The following ZNF608 variants were observed in gnomAD, a reference collection of about 807,000 sequenced individuals.
The protein encoded by ZNF608 is zinc finger protein 608.
Under a neutral mutation model 109.0 loss-of-function variants are expected in ZNF608, and 12 were observed. The observed-to-expected ratio is 0.11, with a 90% CI of 0.07 to 0.18. ZNF608 has a LOEUF of 0.18. ZNF608 is among the 10% of genes least tolerant of loss of function. The pLI is 1.00. For synonymous variants in ZNF608, 732 were observed against 717.4 expected (o/e 1.02, Z -0.33); for missense variants, 1,707 against 1,879.3 (o/e 0.91, Z 1.70).
At position 124,643,631 on chromosome 5, in the gene ZNF608, C is replaced by A. The variant is rs775656486; in HGVS notation, c.4176G>T (p.Gly1392=). ...FHYPVYGKMS[G]REETEKVNTS... The stretch of plus-strand genomic sequence containing the variant: ...TATTGACTTTCTCTGTCTCTTCTCT[C>A]CCTGACATCTTCCCATAAACAGGAT... The change falls in exon 7 of 10, where the codon GGG becomes GGT. Residue 1392 remains glycine, a synonymous_variant. Coordinates refer to ENST00000513986, the MANE Select transcript of ZNF608 (RefSeq NM_020747.3). 20 of 1,614,048 alleles carry A rather than the reference C, an allele frequency of 1.2e-5. No homozygotes were observed. Among genetic ancestry groups the A allele is most frequent in the Middle Eastern group, 3.3e-4 (2 of 6,084 alleles).
chr5:124,648,450 C>T lies in ZNF608; in HGVS notation c.1934G>A (p.Ser645Asn), dbSNP rs1260309162. The T allele has an allele frequency of 2.5e-6, 4 of 1,614,088 alleles. No individual in the cohort carries two copies. Among genetic ancestry groups the T allele is most frequent in the Non-Finnish European group, 2.5e-6 (3 of 1,180,048 alleles). ...ACCAATAATGGAACCTGGGCCATTGCTCATCAGCTCTCTCTTTCCCTTTGG... is the reference window on the plus strand; with the variant it reads ...ACCAATAATGGAACCTGGGCCATTGTTCATCAGCTCTCTCTTTCCCTTTGG... ...GTPKGKRELM[S>N]NGPGSIIGAK... Residue 645 changes from serine to asparagine, a missense_variant, in exon 5 of 10, where the codon AGC (serine) becomes AAC (asparagine). By Grantham distance (46) the Ser-to-Asn change is conservative. Around this residue, in one of 7 missense-constraint regions of ZNF608, gnomAD observed 1,073 missense variants for 1,133.5 expected, o/e 0.95. Coordinates refer to ENST00000513986, the MANE Select transcript of ZNF608 (RefSeq NM_020747.3).
chr5:124,660,092 C>T (rs1751185398), intron 3 of ZNF608, among the ~76,000 whole-genome samples: 1 of 152,206 alleles, frequency 6.6e-6, no homozygotes, highest in Non-Finnish European at 1.5e-5. Context: ...AATGATCACT[C>T]TGCTATTATT....
intron 3 of ZNF608, among the ~76,000 whole-genome samples, chr5:124,689,174 G>C (rs1049644703): frequency 1.3e-5 from 2 of 152,156 alleles, no homozygotes; most frequent in Non-Finnish European, 2.9e-5. Context: ...AAGATGGGAG[G>C]ATCACTTGAG....
intron 3 of ZNF608, among the ~76,000 whole-genome samples, chr5:124,681,988 A>G (rs1447254740): frequency 6.6e-6 from 1 of 152,246 alleles, no homozygotes; most frequent in Non-Finnish European, 1.5e-5. Flanking sequence ...TCAATCAAGC[A>G]TGAGGGTAGA....
chr5:124,656,681 T>C (rs1030534487), intron 3 of ZNF608, among the ~76,000 whole-genome samples: 3 of 152,120 alleles, frequency 2.0e-5, no homozygotes, highest in African/African-American at 7.2e-5. Context: ...CTTTCTTACT[T>C]GACTGTACTT....
At chr5:124,692,545 T>A (rs960199418) in intron 3 of ZNF608, among the ~76,000 whole-genome samples, 1 of 152,248 alleles carries the variant, frequency 6.6e-6, no homozygotes, top group African/African-American at 2.4e-5. Context: ...GAAATTCCTA[T>A]CATTCCATGT....
At chr5:124,656,225 G>C in intron 3 of ZNF608, among the ~76,000 whole-genome samples, 1 of 152,128 alleles carries the variant, frequency 6.6e-6, no homozygotes, top group East Asian at 1.9e-4. Flanking sequence ...GAAGTGTAAT[G>C]AAACACTTTA....
chr5:124,709,788 G>A (rs936075424), intron 2 of ZNF608, among the ~76,000 whole-genome samples: 6 of 152,248 alleles, frequency 3.9e-5, no homozygotes, highest in African/African-American at 1.4e-4. Context: ...CATTTCCAAA[G>A]ACACTTAAAG....
chr5:124,714,638 T>A (rs2149871229), intron 2 of ZNF608, among the ~76,000 whole-genome samples: 1 of 152,358 alleles, frequency 6.6e-6, no homozygotes, highest in Non-Finnish European at 1.5e-5. Context: ...TTTAATGTAA[T>A]AGACATATCA....
At chr5:124,649,924 G>A (rs1182799506) in intron 3 of ZNF608, among the ~76,000 whole-genome samples, 1 of 152,228 alleles carries the variant, frequency 6.6e-6, no homozygotes, top group Non-Finnish European at 1.5e-5. Flanking sequence ...GTGGTACAAA[G>A]GAGTGAGACT....
At chr5:124,710,525 C>G (rs372063880) in intron 2 of ZNF608, 3 of 243,986 alleles carry the variant, frequency 1.2e-5, no homozygotes, top group African/African-American at 6.8e-5. Context: ...CATCGTGGGT[C>G]GGCTACAGAA....
rs113357007 is a variant in ZNF608, at chr5:124,644,144, A to T, written c.4123+100T>A. Reference sequence around the variant, plus strand: ...AAACAGCATAAAAACAAGGAAAACAAATGTCACTCTTGAAGCTTCTAATTT... The same window carrying T: ...AAACAGCATAAAAACAAGGAAAACATATGTCACTCTTGAAGCTTCTAATTT... On this transcript the variant is annotated intron_variant, in intron 6 of 9. Coordinates refer to ENST00000513986, the MANE Select transcript of ZNF608 (RefSeq NM_020747.3). The T allele has an allele frequency of 1.4e-5, 16 of 1,112,216 alleles. No individual in the cohort carries two copies. In the East Asian group the frequency reaches 3.0e-4, roughly 21 times the overall value. The allele number at this position is 1,112,216 out of a possible 1,614,324, so 68.9% of individuals were successfully genotyped here.
At position 124,746,506 on chromosome 5, in the gene ZNF608, T is replaced by A; in HGVS notation, c.-495A>T. 1.0e-6 allele frequency: 1 copy of A among 985,204 alleles called. No homozygotes were observed. The highest frequency in any genetic ancestry group is 1.2e-6 in the Non-Finnish European group (1 of 829,878). The allele number at this position is 985,204 out of a possible 1,614,324, so 61.0% of individuals were successfully genotyped here. A position where few individuals can be genotyped will look rare whatever the true frequency, so the allele number is the denominator to read the frequency against. ...TCCTCTTAACAAGCATCGAGAATAATAGTTTTTTAAAAAACAGAGAGTTTA... is the reference window on the plus strand; with the variant it reads ...TCCTCTTAACAAGCATCGAGAATAAAAGTTTTTTAAAAAACAGAGAGTTTA... On this transcript the variant is annotated 5_prime_UTR_variant, in exon 1 of 10. Coordinates refer to ENST00000513986, the MANE Select transcript of ZNF608 (RefSeq NM_020747.3).
At chr5:124,646,222 A>G (rs182356815) in intron 5 of ZNF608, among the ~76,000 whole-genome samples, 58 of 152,220 alleles carry the variant, frequency 3.8e-4, no homozygotes, top group East Asian at 9.7e-4. Context: ...TTAGCCGGGC[A>G]TGGTGGCACG....
At chr5:124,682,484 C>T (rs1360881521) in intron 3 of ZNF608, among the ~76,000 whole-genome samples, 1 of 152,220 alleles carries the variant, frequency 6.6e-6, no homozygotes, top group Non-Finnish European at 1.5e-5. Context: ...GAGGCAATGG[C>T]ATCTTCAGAA....
intron 3 of ZNF608, among the ~76,000 whole-genome samples, chr5:124,671,125 G>T (rs987271749): frequency 6.6e-6 from 1 of 152,140 alleles, no homozygotes; most frequent in African/African-American, 2.4e-5. Context: ...GCAAAAACAT[G>T]AATACACATG....
At chr5:124,707,084 TGGGCAA>T (rs1024964443) in intron 2 of ZNF608, among the ~76,000 whole-genome samples, 19 of 152,160 alleles carry the variant, frequency 1.2e-4, no homozygotes, top group African/African-American at 4.6e-4. Context: ...TGAGTGCTGA[TGGGCAA>T]GGAAGGATCC....
In ZNF608 at chr5:124,691,872, T is replaced by C. The variant is rs78633369; in HGVS notation, c.1162+9142A>G. On this transcript the variant is annotated intron_variant, in intron 3 of 9. Coordinates refer to ENST00000513986, the MANE Select transcript of ZNF608 (RefSeq NM_020747.3). ...GTTTTAGTTGTTCAAGATAACTAAG[T>C]TCTAGAGATCTGCAGTACAACACGG... Among the ~76,000 whole-genome samples, 119 of 152,272 alleles carry C rather than the reference T, an allele frequency of 7.8e-4. 1 individual carries two copies. In the East Asian group the frequency reaches 0.02, roughly 25 times the overall value.
chr5:124,717,815 C>G (rs1753762179), intron 2 of ZNF608, among the ~76,000 whole-genome samples: 1 of 152,168 alleles, frequency 6.6e-6, no homozygotes. Context: ...GGTTTCATCT[C>G]TGCAGTACAC....
Sources: allele counts gnomAD v4.1 joint callset (sites outside exome capture counted in the v4.1 genomes callset), GRCh38; gene constraint gnomAD v4.1.1; regional missense constraint gnomAD v4.1.1; transcripts MANE v1.5; gene names NCBI Gene and HGNC (gene_info 2026-07-23, HGNC 2026-07-21).